Variants in CFAP299 observed in about 807,000 individuals in gnomAD.
CFAP299 encodes cilia and flagella associated protein 299, also known as cilia- and flagella-associated protein 299.
Under a neutral mutation model 27.0 loss-of-function variants are expected in CFAP299, and 21 were observed. The ratio of observed to expected loss-of-function variants is 0.78; its 90% confidence interval spans 0.55 to 1.12. CFAP299 has a LOEUF of 1.12. Among genes scored for constraint, CFAP299 ranks in the 50% most tolerant of loss-of-function variants. The pLI is 0.00. For missense variants in CFAP299, 310 were observed against 276.6 expected (o/e 1.12, Z -0.86); for synonymous variants, 104 against 98.1 (o/e 1.06, Z -0.36).
At chr4:80,775,760 G>GTT (rs1409453407) in intron 3 of CFAP299, among the ~76,000 whole-genome samples, 2 of 152,094 alleles carry the variant, frequency 1.3e-5, no homozygotes, top group African/African-American at 4.8e-5. Context: ...AATAAAACAT[G>GTT]TTTGTCTGGG....
At chr4:80,387,355 G>A (rs928648972) in intron 2 of CFAP299, 21 of 1,407,320 alleles carry the variant, frequency 1.5e-5, no homozygotes, top group South Asian at 2.3e-5. Flanking sequence ...ACACCTGCTC[G>A]TTCTTATGCT....
At chr4:80,690,320 G>T (rs1249625847) in intron 3 of CFAP299, among the ~76,000 whole-genome samples, 1 of 151,528 alleles carries the variant, frequency 6.6e-6, no homozygotes. Flanking sequence ...AAATGTAAAA[G>T]AACAGAAATT....
chr4:80,788,257 TC>T (rs1366749270), intron 3 of CFAP299, among the ~76,000 whole-genome samples: 1 of 152,030 alleles, frequency 6.6e-6, no homozygotes, highest in East Asian at 1.9e-4. Flanking sequence ...GTACTTTTAG[TC>T]CCTGAGCACA....
intron 2 of CFAP299, among the ~76,000 whole-genome samples, chr4:80,462,576 A>G (rs1729491915): frequency 6.6e-6 from 1 of 151,182 alleles, no homozygotes; most frequent in Admixed American, 6.6e-5. Flanking sequence ...TCCCTTCCCC[A>G]CCCCCATCTA....
Position 80,572,370 on chromosome 4 carries a change from G to A in CFAP299, c.243-10723G>A, listed in dbSNP as rs761681265. Among the ~76,000 whole-genome samples, 9 of 151,568 alleles carry A rather than the reference G, an allele frequency of 5.9e-5. 1 individual carries two copies. In the South Asian group the frequency reaches 1.0e-3, roughly 18 times the overall value. On this transcript the variant is annotated intron_variant, in intron 2 of 5. Transcript: ENST00000358105. ...AACCATCATTCTACTCTCTATCATCGTGAATTCAATTGTTTTAGCTTCTAG... is the reference window on the plus strand; with the variant it reads ...AACCATCATTCTACTCTCTATCATCATGAATTCAATTGTTTTAGCTTCTAG...
intron 4 of CFAP299, among the ~76,000 whole-genome samples, chr4:80,907,627 G>T (rs920481562): frequency 6.6e-6 from 1 of 152,140 alleles, no homozygotes; most frequent in Non-Finnish European, 1.5e-5. Flanking sequence ...GAATTGCAGA[G>T]TGAAGGAGGA....
chr4:80,644,999 G>A (rs1361974391), intron 3 of CFAP299, among the ~76,000 whole-genome samples: 2 of 151,750 alleles, frequency 1.3e-5, no homozygotes, highest in African/African-American at 4.8e-5. Flanking sequence ...TGATGCACCA[G>A]CCCCCCCTCA....
chr4:80,741,104 A>G (rs1724237308), intron 3 of CFAP299, among the ~76,000 whole-genome samples: 1 of 151,994 alleles, frequency 6.6e-6, no homozygotes, highest in African/African-American at 2.4e-5. Context: ...CTTTTTTCAA[A>G]CAGAAGGAGT....
At chr4:80,363,522 TA>T (rs572836491) in intron 2 of CFAP299, among the ~76,000 whole-genome samples, 153 of 152,314 alleles carry the variant, frequency 1.0e-3, no homozygotes, top group African/African-American at 3.4e-3. Context: ...TTGGGGAGGA[TA>T]ATTACTTAGA....
At chr4:80,954,460 A>C (rs905208208) in intron 5 of CFAP299, among the ~76,000 whole-genome samples, 1 of 152,158 alleles carries the variant, frequency 6.6e-6, no homozygotes, top group Non-Finnish European at 1.5e-5. Flanking sequence ...AGAAAGAAAA[A>C]TCTCATGTTG....
At chr4:80,386,939 G>A in intron 2 of CFAP299, 3 of 868,608 alleles carry the variant, frequency 3.5e-6, no homozygotes, top group East Asian at 2.4e-5. Context: ...GCAGTTTGAG[G>A]TAATGCACCC....
chr4:80,853,086 A>G (rs772772121), intron 3 of CFAP299, among the ~76,000 whole-genome samples: 12 of 152,068 alleles, frequency 7.9e-5, no homozygotes, highest in Non-Finnish European at 1.6e-4. Flanking sequence ...GCTGGAGTGC[A>G]GTGGCATGAT....
At chr4:80,400,611 C>T (rs1726101875) in intron 2 of CFAP299, among the ~76,000 whole-genome samples, 1 of 152,180 alleles carries the variant, frequency 6.6e-6, no homozygotes, top group South Asian at 2.1e-4. Context: ...GAGGCCTCCC[C>T]AGTGGAATTG....
chr4:80,716,346 C>A (rs1024432454), intron 3 of CFAP299, among the ~76,000 whole-genome samples: 2 of 151,018 alleles, frequency 1.3e-5, no homozygotes, highest in African/African-American at 4.9e-5. Context: ...TGCCTGATAG[C>A]AAGTGAATGT....
intron 3 of CFAP299, among the ~76,000 whole-genome samples, chr4:80,651,805 G>C (rs1049963922): frequency 4.6e-5 from 7 of 150,660 alleles, no homozygotes; most frequent in South Asian, 4.2e-4. Flanking sequence ...GGTAAACTTT[G>C]AATTGTCAGT....
chr4:80,795,485 G>A (rs1727803360), intron 3 of CFAP299, among the ~76,000 whole-genome samples: 1 of 148,966 alleles, frequency 6.7e-6, no homozygotes, highest in Admixed American at 6.6e-5. Flanking sequence ...AGAACCATCT[G>A]TGAACCAGGC....
At chr4:80,503,943 A>G (rs1731866366) in intron 2 of CFAP299, among the ~76,000 whole-genome samples, 1 of 152,182 alleles carries the variant, frequency 6.6e-6, no homozygotes, top group Admixed American at 6.5e-5. Context: ...ATTCTGTGCC[A>G]GACACAATTG....
chr4:80,924,764 A>G (rs1168451033), intron 4 of CFAP299, among the ~76,000 whole-genome samples: 2 of 151,366 alleles, frequency 1.3e-5, no homozygotes, highest in African/African-American at 4.8e-5. Context: ...CTAGAGTGTT[A>G]TAAGTATTAT....
rs970111321 is a variant in CFAP299, at chr4:80,387,520, G to A, written c.242+24636G>A. 1.4e-5 allele frequency: 12 copies of A among 843,254 alleles called. No individual in the cohort carries two copies. In the Middle Eastern group the frequency reaches 6.9e-4, roughly 48 times the overall value. The allele number at this position is 843,254 out of a possible 1,614,324, so 52.2% of individuals were successfully genotyped here. On this transcript the variant is annotated intron_variant, in intron 2 of 5. Transcript: ENST00000358105. Reference sequence around the variant, plus strand: ...CCAGGCCTGGAGCTGTGGCGAGCTTGGTAGGGGCTGGCCCAACCCTGTGTT... The same window carrying A: ...CCAGGCCTGGAGCTGTGGCGAGCTTAGTAGGGGCTGGCCCAACCCTGTGTT...
Sources: allele counts gnomAD v4.1 joint callset (sites outside exome capture counted in the v4.1 genomes callset), GRCh38; gene constraint gnomAD v4.1.1; transcripts MANE v1.5; gene names NCBI Gene and HGNC (gene_info 2026-07-23, HGNC 2026-07-21).